Variants in STXBP5 observed in about 807,000 individuals in gnomAD.
STXBP5 encodes syntaxin binding protein 5, also known as syntaxin-binding protein 5.
A neutral mutation model predicts 152.4 loss-of-function variants in STXBP5; 50 were observed. That is an observed-to-expected ratio of 0.33 (90% CI 0.26 to 0.42). STXBP5 has a LOEUF of 0.42. Among genes scored for constraint, STXBP5 ranks in the 10% least tolerant of loss-of-function variants. The pLI is 1.00. For missense variants in STXBP5, 1,167 were observed against 1,388.6 expected (o/e 0.84, Z 2.54); for synonymous variants, 492 against 494.7 (o/e 0.99, Z 0.07).
At chr6:147,262,872 GTTAAT>G (rs1444389318) in intron 6 of STXBP5, among the ~76,000 whole-genome samples, 2 of 151,590 alleles carry the variant, frequency 1.3e-5, no homozygotes, top group African/African-American at 4.8e-5. Context: ...TCTAGCTATT[GTTAAT>G]TTAGATTATT....
intron 2 of STXBP5, among the ~76,000 whole-genome samples, chr6:147,217,089 G>A (rs1777207891): frequency 6.6e-6 from 1 of 152,164 alleles, no homozygotes. Context: ...TGTGATGGCA[G>A]TACCTCTGCT....
chr6:147,267,578 C>T (rs1779954509), intron 7 of STXBP5, among the ~76,000 whole-genome samples: 1 of 152,150 alleles, frequency 6.6e-6, no homozygotes, highest in Non-Finnish European at 1.5e-5. Context: ...CACTTCCCTT[C>T]CTTACCTTAC....
chr6:147,363,719 T>A lies in STXBP5; in HGVS notation c.2915+15T>A. 1 of 1,588,870 alleles carries A rather than the reference T, an allele frequency of 6.3e-7. No homozygotes were observed. Among genetic ancestry groups the A allele is most frequent in the Non-Finnish European group, 8.5e-7 (1 of 1,170,564 alleles). ...ATGACTTTTAGGTAAGAGTTAGATA[T>A]GTTTTAAAACACAGATATAGCATTT... is the stretch of plus-strand genomic sequence containing the variant. On this transcript the variant is annotated intron_variant, in intron 24 of 27. Coordinates refer to ENST00000321680, the MANE Select transcript of STXBP5 (RefSeq NM_001127715.4).
chr6:147,313,254 TATTCTC>T (rs1416601595), intron 11 of STXBP5, among the ~76,000 whole-genome samples: 1 of 152,238 alleles, frequency 6.6e-6, no homozygotes, highest in African/African-American at 2.4e-5. Context: ...TTTTCCAGAC[TATTCTC>T]ATTCTAAGGA....
At chr6:147,216,622 G>C (rs916383635) in intron 2 of STXBP5, among the ~76,000 whole-genome samples, 1 of 151,980 alleles carries the variant, frequency 6.6e-6, no homozygotes, top group Non-Finnish European at 1.5e-5. Flanking sequence ...ATTTTATTTA[G>C]TAAATGAGGC....
At chr6:147,320,236 A>C (rs768806638) in intron 16 of STXBP5, among the ~76,000 whole-genome samples, 2 of 152,160 alleles carry the variant, frequency 1.3e-5, no homozygotes, top group Non-Finnish European at 1.5e-5. Flanking sequence ...CAACTAGCAC[A>C]AGAGCCAGGT....
chr6:147,291,050 G>C, intron 8 of STXBP5, 44 bp from the exon 9 acceptor site: 2 of 1,439,356 alleles, frequency 1.4e-6, no homozygotes, highest in Non-Finnish European at 1.9e-6. Flanking sequence ...AGAATGTAGA[G>C]TAACTTAGAA....
chr6:147,258,502 C>T (rs994718625), intron 4 of STXBP5, among the ~76,000 whole-genome samples: 2 of 152,064 alleles, frequency 1.3e-5, no homozygotes, highest in Non-Finnish European at 1.5e-5. Context: ...GAGTGGATCT[C>T]GGCTCACTGC....
chr6:147,277,728 T>C (rs937340520), intron 7 of STXBP5, among the ~76,000 whole-genome samples: 7 of 152,164 alleles, frequency 4.6e-5, no homozygotes, highest in Non-Finnish European at 1.0e-4. Context: ...AGTTTTTCTA[T>C]TGGGACACTG....
chr6:147,249,602 T>G (rs1361484067), intron 4 of STXBP5, among the ~76,000 whole-genome samples: 7 of 152,216 alleles, frequency 4.6e-5, no homozygotes, highest in Non-Finnish European at 1.0e-4. Context: ...CGATTCTTCT[T>G]GCTGCTTTAT....
intron 4 of STXBP5, among the ~76,000 whole-genome samples, chr6:147,240,166 T>C (rs139348212): frequency 0.017 from 2,556 of 152,258 alleles, 61 homozygotes; most frequent in African/African-American, 0.057. Flanking sequence ...GGTCTCGAAC[T>C]CCTGACCTCA....
chr6:147,334,348 A>C, intron 19 of STXBP5, 126 bp downstream of exon 19: 2 of 750,068 alleles, frequency 2.7e-6, no homozygotes, highest in Admixed American at 3.1e-5. Context: ...TCACGTATTT[A>C]GTCTTAAAAT....
intron 26 of STXBP5, among the ~76,000 whole-genome samples, chr6:147,380,415 T>A (rs1017971809): frequency 4.0e-5 from 6 of 150,636 alleles, no homozygotes; most frequent in African/African-American, 1.5e-4. Flanking sequence ...GAATGGTCTT[T>A]TCAATAAGTG....
chr6:147,252,985 C>T (rs531246170), intron 4 of STXBP5, among the ~76,000 whole-genome samples: 115 of 152,246 alleles, frequency 7.6e-4, no homozygotes, highest in Non-Finnish European at 1.4e-3. Flanking sequence ...CCTGATACCA[C>T]AACCTTTCAG....
intron 26 of STXBP5, 84 bp downstream of exon 26, chr6:147,373,926 G>C: frequency 1.3e-6 from 1 of 798,978 alleles, no homozygotes; most frequent in East Asian, 2.7e-5. Context: ...TGTAAATTAT[G>C]TTCACTTTTT....
At chr6:147,261,639 T>C (rs1410969493) in intron 5 of STXBP5, among the ~76,000 whole-genome samples, 1 of 151,958 alleles carries the variant, frequency 6.6e-6, no homozygotes, top group African/African-American at 2.4e-5. Flanking sequence ...ATCAGTCCTT[T>C]GGTAGGGTGG....
intron 2 of STXBP5, among the ~76,000 whole-genome samples, chr6:147,206,778 C>T (rs766804820): frequency 2.6e-5 from 4 of 151,996 alleles, no homozygotes; most frequent in East Asian, 1.9e-4. Flanking sequence ...TTTTATCAAG[C>T]ATTTTTTTAA....
intron 16 of STXBP5, among the ~76,000 whole-genome samples, chr6:147,324,264 G>GGT (rs1783097109): frequency 1.7e-5 from 1 of 57,948 alleles, no homozygotes. Flanking sequence ...TTTTTTTTTG[G>GGT]TTTTTTTTTT....
intron 2 of STXBP5, among the ~76,000 whole-genome samples, chr6:147,209,423 G>A (rs1022448704): frequency 3.3e-5 from 5 of 152,050 alleles, no homozygotes; most frequent in African/African-American, 1.2e-4. Flanking sequence ...TTGAGTGTCA[G>A]ACAACATTAG....
Sources: gnomAD v4.1 joint callset for allele counts (sites outside exome capture counted in the v4.1 genomes callset) on GRCh38, gnomAD v4.1.1 for gene constraint, MANE v1.5 for transcripts, NCBI Gene and HGNC (gene_info 2026-07-23, HGNC 2026-07-21) for gene names.